Variants in FAM135A observed in about 807,000 individuals in gnomAD.
FAM135A encodes the protein family with sequence similarity 135 member A.
Under a neutral mutation model 146.8 loss-of-function variants are expected in FAM135A, and 79 were observed. That is an observed-to-expected ratio of 0.54 (90% CI 0.45 to 0.65). The LOEUF (loss-of-function observed/expected upper bound fraction) is 0.65. Ranked by LOEUF, FAM135A falls within the 30% of genes least tolerant of loss-of-function variation. The pLI is 0.00. For synonymous variants in FAM135A, 562 were observed against 603.6 expected (o/e 0.93, Z 1.01); for missense variants, 1,623 against 1,758.2 (o/e 0.92, Z 1.38).
intron 21 of FAM135A, chr6:70,557,829 G>C (rs911395040): frequency 3.3e-5 from 5 of 151,832 alleles, no homozygotes; most frequent in Admixed American, 6.6e-5. Flanking sequence ...AGCTCCTTAA[G>C]GCAAGAACTG....
At chr6:70,533,654 A>T in intron 17 of FAM135A, 103 bp from the exon 18 acceptor site, 1 of 704,188 alleles carries the variant, frequency 1.4e-6, no homozygotes, top group African/African-American at 1.9e-5. Context: ...CATTGAACTT[A>T]ACCATACTTT....
intron 5 of FAM135A, among the ~76,000 whole-genome samples, chr6:70,465,475 G>C (rs1263485565): frequency 6.6e-6 from 1 of 152,016 alleles, no homozygotes; most frequent in African/African-American, 2.4e-5. Context: ...AGGCTGGAGT[G>C]CAGGGGTGCA....
chr6:70,524,157 G>A, intron 14 of FAM135A, 36 bp downstream of exon 14: 3 of 1,565,340 alleles, frequency 1.9e-6, no homozygotes, highest in Non-Finnish European at 2.6e-6. Flanking sequence ...CAAGCTATGT[G>A]TATAGTTTTC....
intron 12 of FAM135A, among the ~76,000 whole-genome samples, chr6:70,519,892 T>C (rs947257421): frequency 6.8e-6 from 1 of 147,780 alleles, no homozygotes; most frequent in African/African-American, 2.6e-5. Flanking sequence ...AAACATACTT[T>C]AGTATAGGTA....
intron 12 of FAM135A, among the ~76,000 whole-genome samples, chr6:70,516,195 G>A (rs767520528): frequency 1.3e-5 from 2 of 152,130 alleles, no homozygotes; most frequent in Non-Finnish European, 2.9e-5. Flanking sequence ...CTGTACATTT[G>A]AATTTCTTGG....
chr6:70,505,935 GC>G (rs1414562074), intron 12 of FAM135A, among the ~76,000 whole-genome samples: 9 of 151,994 alleles, frequency 5.9e-5, no homozygotes, highest in Non-Finnish European at 1.2e-4. Flanking sequence ...TCTTTAAAGG[GC>G]TAAATAAAAA....
At chr6:70,554,857 C>T (rs1288429672) in intron 20 of FAM135A, among the ~76,000 whole-genome samples, 1 of 152,106 alleles carries the variant, frequency 6.6e-6, no homozygotes, top group East Asian at 1.9e-4. Flanking sequence ...GAACTCCTGA[C>T]CTCAGGTGAT....
chr6:70,514,816 C>T (rs1009139634), intron 12 of FAM135A, among the ~76,000 whole-genome samples: 9 of 152,164 alleles, frequency 5.9e-5, no homozygotes, highest in Non-Finnish European at 1.2e-4. Context: ...TCCAAGAGCC[C>T]TCCCAGTTTC....
Position 70,542,762 on chromosome 6 carries a change from G to A in FAM135A, c.4228+4361G>A, listed in dbSNP as rs138742060. 4.7e-3 allele frequency among the ~76,000 whole-genome samples: 710 copies of A among 152,004 alleles called. 1 individual carries two copies. Among genetic ancestry groups the A allele is most frequent in the Middle Eastern group, 0.024 (7 of 294 alleles). On this transcript the variant is annotated intron_variant, in intron 20 of 21. Transcript: ENST00000418814. The stretch of plus-strand genomic sequence containing the variant: ...GACATCTCAATTTACATATCAAACT[G>A]AATATGTCTAAAACTGTATGTCTTC...
At chr6:70,415,752 G>A (rs1236052520) in intron 2 of FAM135A, among the ~76,000 whole-genome samples, 4 of 151,870 alleles carry the variant, frequency 2.6e-5, no homozygotes, top group African/African-American at 9.7e-5. Flanking sequence ...AATTAAATAG[G>A]GATTTGTGGT....
chr6:70,507,211 G>A (rs1789987334), intron 12 of FAM135A, among the ~76,000 whole-genome samples: 1 of 152,106 alleles, frequency 6.6e-6, no homozygotes, highest in African/African-American at 2.4e-5. Flanking sequence ...TACTCAAGCA[G>A]GAATAAGCTT....
chr6:70,453,810 A>G (rs1022062404), intron 5 of FAM135A, among the ~76,000 whole-genome samples: 1 of 152,142 alleles, frequency 6.6e-6, no homozygotes, highest in African/African-American at 2.4e-5. Flanking sequence ...AATCCAGTCT[A>G]TCATTGATGT....
chr6:70,449,352 C>G (rs1356666527), intron 4 of FAM135A, among the ~76,000 whole-genome samples: 3 of 152,074 alleles, frequency 2.0e-5, no homozygotes, highest in Admixed American at 1.3e-4. Context: ...CTAAAACTTA[C>G]TACTCCTGTC....
At chr6:70,457,121 A>G (rs553550099) in intron 5 of FAM135A, among the ~76,000 whole-genome samples, 7 of 152,222 alleles carry the variant, frequency 4.6e-5, no homozygotes, top group Non-Finnish European at 7.3e-5. Context: ...CTTTATGGCA[A>G]CAAGGAAATG....
chr6:70,470,118 C>G (rs1233465713), intron 5 of FAM135A, among the ~76,000 whole-genome samples: 1 of 152,062 alleles, frequency 6.6e-6, no homozygotes, highest in Non-Finnish European at 1.5e-5. Context: ...GAGAGTTGAC[C>G]TTTGGATTTG....
At chr6:70,416,914 A>T (rs1412257963) in intron 2 of FAM135A, among the ~76,000 whole-genome samples, 1 of 152,244 alleles carries the variant, frequency 6.6e-6, no homozygotes, top group Non-Finnish European at 1.5e-5. Flanking sequence ...ACTCCACAGT[A>T]GGTTCACATT....
intron 19 of FAM135A, 38 bp downstream of exon 19, chr6:70,536,449 T>C: frequency 6.8e-7 from 1 of 1,462,290 alleles, no homozygotes; most frequent in Middle Eastern, 1.9e-4. Flanking sequence ...AAATATGGAA[T>C]AGGGAGAAAA....
intron 14 of FAM135A, 93 bp from the exon 15 acceptor site, chr6:70,524,250 G>A (rs1288139004): frequency 7.2e-7 from 1 of 1,385,060 alleles, no homozygotes; most frequent in Non-Finnish European, 9.6e-7. Flanking sequence ...TATGTTTGAG[G>A]ATATTAGAAG....
chr6:70,531,181 T>C (rs571660761), intron 16 of FAM135A, among the ~76,000 whole-genome samples: 48 of 152,344 alleles, frequency 3.2e-4, no homozygotes, highest in African/African-American at 1.1e-3. Flanking sequence ...AACACTCTAA[T>C]GATAAGCAGA....
Sources: gnomAD v4.1 joint callset for allele counts (sites outside exome capture counted in the v4.1 genomes callset) on GRCh38, gnomAD v4.1.1 for gene constraint, MANE v1.5 for transcripts, NCBI Gene and HGNC (gene_info 2026-07-23, HGNC 2026-07-21) for gene names.